Variants in ELAVL2 observed in about 807,000 individuals in gnomAD.
ELAVL2 encodes the protein ELAV-like protein 2.
ELAVL2 carries 4 observed loss-of-function variants against 34.6 expected under a neutral mutation model. The observed-to-expected ratio is 0.12, with a 90% CI of 0.06 to 0.26. The LOEUF (loss-of-function observed/expected upper bound fraction) is 0.26. ELAVL2 is among the 10% of genes least tolerant of loss of function. The probability of loss-of-function intolerance (pLI) is 1.00; values close to 1 mark genes in which losing one functional copy is unlikely to be tolerated. For missense variants in ELAVL2, 432 were observed against 442.8 expected (o/e 0.98, Z 0.22); for synonymous variants, 193 against 154.8 (o/e 1.25, Z -1.83).
chr9:23,756,738 G>C (rs868405704), intron 2 of ELAVL2, among the ~76,000 whole-genome samples: 1 of 152,122 alleles, frequency 6.6e-6, no homozygotes. Flanking sequence ...ATTAAGTACT[G>C]CAATTGTTAA....
chr9:23,796,718 A>G (rs1326455993), intron 1 of ELAVL2, among the ~76,000 whole-genome samples: 2 of 152,230 alleles, frequency 1.3e-5, no homozygotes, highest in South Asian at 2.1e-4. Context: ...GCACAAGAAG[A>G]TATTTAATTA....
chr9:23,781,689 A>T (rs918656903), intron 1 of ELAVL2, among the ~76,000 whole-genome samples: 3 of 150,628 alleles, frequency 2.0e-5, no homozygotes, highest in Non-Finnish European at 3.0e-5. Context: ...TAATTTTTTA[A>T]ATCTTTTTTT....
chr9:23,832,374 C>T, the ELAVL2 span: 1 of 152,192 alleles, frequency 6.6e-6, no homozygotes, highest in Admixed American at 6.5e-5. Context: ...TACTCTAACA[C>T]ATACCTGATT....
rs1453869837 is a variant in ELAVL2 at position 23,762,191 on chromosome 9, G to A, written c.44C>T (p.Ala15Val). ...GTTGTTTATGGTGGTTGGACCATTG[G>A]CTGTGTTATTGCAAGTTGGCCCATT... ...LSNGPTCNNT[A>V]NGPTTINNNC... Residue 15 changes from alanine (A) to valine (V), a missense_variant, in exon 2 of 7, where the codon GCC becomes GTC. By Grantham distance (64) the Ala-to-Val change is moderately conservative. This residue lies in a region of ELAVL2 where 132 missense variants were observed against 118.3 expected (regional missense o/e 1.12). Coordinates refer to ENST00000397312, the MANE Select transcript of ELAVL2 (RefSeq NM_004432.5). The A allele has an allele frequency of 1.9e-6, 3 of 1,613,464 alleles. No homozygotes were observed. The highest frequency in any genetic ancestry group is 2.7e-5 in the African/African-American group (2 of 74,860).
At chr9:23,737,990 A>G (rs1016660240) in intron 2 of ELAVL2, among the ~76,000 whole-genome samples, 2 of 152,222 alleles carry the variant, frequency 1.3e-5, no homozygotes, top group Non-Finnish European at 2.9e-5. Flanking sequence ...TTTTGTTTTT[A>G]ATAAAGACCC....
intron 4 of ELAVL2, among the ~76,000 whole-genome samples, chr9:23,704,147 G>GTTTTTTTTTTTTTTTTTTTTTTT (rs1563965142): frequency 2.0e-5 from 3 of 151,790 alleles, no homozygotes; most frequent in Non-Finnish European, 2.9e-5. Context: ...GGTCACGCTG[G>GTTTTTTTTTTTTTTTTTTTTTTT]TCTTGAACTC....
chr9:23,796,100 T>C (rs2060891180), intron 1 of ELAVL2, among the ~76,000 whole-genome samples: 1 of 152,240 alleles, frequency 6.6e-6, no homozygotes. Flanking sequence ...AATATACTTC[T>C]GCAATCCAAA....
Position 23,702,086 on chromosome 9 carries a change from T to C in ELAVL2, c.488-482A>G, listed in dbSNP as rs532691060. 1.4e-4 allele frequency among the ~76,000 whole-genome samples: 22 copies of C among 152,262 alleles called. No homozygotes were observed. In the South Asian group the frequency reaches 3.7e-3, roughly 26 times the overall value. ...AAAGCTATGCTAAAAATACATACAC[T>C]GTGGTAGAAAGACATTTCGGTTGAA... On this transcript the variant is annotated intron_variant, in intron 4 of 6. Transcript: ENST00000397312.
chr9:23,789,806 CAGTT>C (rs140387663), intron 1 of ELAVL2, among the ~76,000 whole-genome samples: 1,892 of 152,176 alleles, frequency 0.012, 52 homozygotes, highest in African/African-American at 0.043. Flanking sequence ...GGTTGCAAAA[CAGTT>C]AGCTTCTTAT....
intron 2 of ELAVL2, among the ~76,000 whole-genome samples, chr9:23,754,149 T>A (rs953270807): frequency 6.6e-6 from 1 of 152,182 alleles, no homozygotes; most frequent in African/African-American, 2.4e-5. Flanking sequence ...TATTTTTTTT[T>A]ACATTTTATT....
chr9:23,693,604 G>T (rs2034008919), intron 5 of ELAVL2, 118 bp from the exon 6 acceptor site: 2 of 1,218,542 alleles, frequency 1.6e-6, no homozygotes, highest in Non-Finnish European at 2.4e-6. Flanking sequence ...TATATGTGAA[G>T]ACTCAGAATG....
chr9:23,830,601 T>TACACACACAC (rs10525135), upstream of ELAVL2, among the ~76,000 whole-genome samples: 1,864 of 133,150 alleles, frequency 0.014, 29 homozygotes, highest in African/African-American at 0.03. Flanking sequence ...GCCCCCCACT[T>TACACACACAC]ACACACACAC....
chr9:23,778,848 T>A (rs183855552), intron 1 of ELAVL2, among the ~76,000 whole-genome samples: 115 of 152,310 alleles, frequency 7.6e-4, no homozygotes, highest in African/African-American at 2.7e-3. Context: ...GCCACAGACA[T>A]TCAAAGCACT....
At chr9:23,775,247 C>T (rs568158610) in intron 1 of ELAVL2, among the ~76,000 whole-genome samples, 6 of 152,254 alleles carry the variant, frequency 3.9e-5, no homozygotes, top group East Asian at 1.9e-4. Flanking sequence ...TATTTACAAA[C>T]AAAATCTTAT....
At chr9:23,728,044 T>C (rs1398452821) in intron 3 of ELAVL2, among the ~76,000 whole-genome samples, 1 of 152,060 alleles carries the variant, frequency 6.6e-6, no homozygotes, top group African/African-American at 2.4e-5. Context: ...AGAGTTTTGA[T>C]ATAACGATCA....
rs116051472 is a variant in ELAVL2 at position 23,726,837 on chromosome 9, C to T, written c.333+4185G>A. 3.6e-3 allele frequency among the ~76,000 whole-genome samples: 542 copies of T among 151,960 alleles called. 3 individuals are homozygous for T. Among genetic ancestry groups the T allele is most frequent in the African/African-American group, 0.013 (530 of 41,468 alleles). Reference sequence around the variant, plus strand: ...TAGATTTTTTTCAATACTTAAGACCCCTAAAAATAAAATGAGTAGAGAAAG... The same window carrying T: ...TAGATTTTTTTCAATACTTAAGACCTCTAAAAATAAAATGAGTAGAGAAAG... On this transcript the variant is annotated intron_variant, in intron 3 of 6. Coordinates refer to ENST00000397312, the MANE Select transcript of ELAVL2 (RefSeq NM_004432.5).
In ELAVL2 at chr9:23,783,792, G is replaced by GA. The variant is rs550955271; in HGVS notation, c.-15-21544dup. Reference sequence around the variant, plus strand: ...GAGAGATTGTATCTGGATGACAGATGAAAAAAAAAAATCAGGCTCAGAACA... The same window carrying GA: ...GAGAGATTGTATCTGGATGACAGATGAAAAAAAAAAAATCAGGCTCAGAACA... On this transcript the variant is annotated intron_variant, in intron 1 of 6. Coordinates refer to ENST00000397312, the MANE Select transcript of ELAVL2 (RefSeq NM_004432.5). 2.0e-3 allele frequency among the ~76,000 whole-genome samples: 297 copies of GA among 147,350 alleles called. 1 individual carries two copies. The highest frequency in any genetic ancestry group is 6.8e-3 in the African/African-American group (274 of 40,254).
chr9:23,749,318 G>A (rs2051301721), intron 2 of ELAVL2, among the ~76,000 whole-genome samples: 1 of 152,082 alleles, frequency 6.6e-6, no homozygotes, highest in Non-Finnish European at 1.5e-5. Flanking sequence ...AGTGACTAGT[G>A]TAAGCCTACA....
chr9:23,717,192 A>G (rs1276830835), intron 3 of ELAVL2, among the ~76,000 whole-genome samples: 1 of 152,216 alleles, frequency 6.6e-6, no homozygotes, highest in Non-Finnish European at 1.5e-5. Flanking sequence ...CCTACTTCAT[A>G]TAGTAATGAA....
Sources: allele counts gnomAD v4.1 joint callset (sites outside exome capture counted in the v4.1 genomes callset), GRCh38; gene constraint gnomAD v4.1.1; regional missense constraint gnomAD v4.1.1; transcripts MANE v1.5; gene names NCBI Gene and HGNC (gene_info 2026-07-23, HGNC 2026-07-21).